The following AGBL4 variants were observed in gnomAD, a reference collection of about 807,000 sequenced individuals.
AGBL4 encodes cytosolic carboxypeptidase 6.
Under a neutral mutation model 66.4 loss-of-function variants are expected in AGBL4, and 58 were observed. The observed-to-expected ratio is 0.87, with a 90% CI of 0.71 to 1.09. AGBL4 has a LOEUF of 1.09. AGBL4 is among the 50% of genes least tolerant of loss of function. AGBL4 has a pLI of 0.00. For synonymous variants in AGBL4, 234 were observed against 222.9 expected, an observed-to-expected ratio of 1.05 and a Z score of -0.44; for missense variants, 579 against 631.0, an observed-to-expected ratio of 0.92 and a Z score of 0.88.
intron 1 of AGBL4, among the ~76,000 whole-genome samples, chr1:49,950,068 A>ATATATACATATG (rs1308289543): frequency 1.4e-5 from 2 of 142,130 alleles, no homozygotes; most frequent in Non-Finnish European, 3.1e-5. Context: ...ATACACACAT[A>ATATATACATATG]TATATACACA....
At chr1:49,071,030 T>C (rs1644593288) in intron 4 of AGBL4, among the ~76,000 whole-genome samples, 1 of 152,006 alleles carries the variant, frequency 6.6e-6, no homozygotes. Context: ...AAGAGAGGCA[T>C]AGAGGTGTTT....
At chr1:49,948,438 T>TATATATAAATATATAAATATATATAA (rs1478388594) in intron 1 of AGBL4, among the ~76,000 whole-genome samples, 18 of 103,598 alleles carry the variant, frequency 1.7e-4, no homozygotes, top group African/African-American at 5.5e-4. Flanking sequence ...AATATATAAA[T>TATATATAAATATATAAATATATATAA]ATATATAAAT....
intron 8 of AGBL4, among the ~76,000 whole-genome samples, chr1:48,651,619 T>C (rs543021378): frequency 6.6e-6 from 1 of 152,320 alleles, no homozygotes; most frequent in African/African-American, 2.4e-5. Context: ...TAATGAACCA[T>C]CACTTCAGCC....
Position 48,596,148 on chromosome 1 carries a change from A to C in AGBL4, c.952-5163T>G, listed in dbSNP as rs187700187. Among the ~76,000 whole-genome samples, 385 of 152,252 alleles carry C rather than the reference A, an allele frequency of 2.5e-3. 4 individuals carry two copies. The highest frequency in any genetic ancestry group is 8.9e-3 in the African/African-American group (368 of 41,546). On this transcript the variant is annotated intron_variant, in intron 9 of 13. Coordinates refer to ENST00000371839, the MANE Select transcript of AGBL4 (RefSeq NM_032785.4). ...CCAGGCCTCTGGCTATAAACTCTCC[A>C]TGTCCTGTACCCTGCTGTCCTCACA...
intron 6 of AGBL4, among the ~76,000 whole-genome samples, chr1:48,728,985 A>G (rs897689015): frequency 6.6e-6 from 1 of 152,226 alleles, no homozygotes; most frequent in Non-Finnish European, 1.5e-5. Flanking sequence ...TAAAGCAAAA[A>G]GCCAGCTCCA....
intron 4 of AGBL4, among the ~76,000 whole-genome samples, chr1:49,108,406 G>C (rs966761369): frequency 6.6e-6 from 1 of 152,038 alleles, no homozygotes; most frequent in Non-Finnish European, 1.5e-5. Context: ...AAATAAAGTA[G>C]AAAAAAGAAA....
intron 3 of AGBL4, among the ~76,000 whole-genome samples, chr1:49,452,696 T>G (rs1646304380): frequency 6.6e-6 from 1 of 152,086 alleles, no homozygotes; most frequent in Non-Finnish European, 1.5e-5. Flanking sequence ...GACTCTTATT[T>G]TAGCACTTCT....
chr1:49,795,954 G>A (rs926973185), intron 2 of AGBL4, among the ~76,000 whole-genome samples: 1 of 151,804 alleles, frequency 6.6e-6, no homozygotes, highest in African/African-American at 2.4e-5. Context: ...TACATAAAAT[G>A]TAAATTATCT....
chr1:48,545,387 C>T (rs1417967597), intron 11 of AGBL4, among the ~76,000 whole-genome samples: 1 of 152,266 alleles, frequency 6.6e-6, no homozygotes, highest in Non-Finnish European at 1.5e-5. Flanking sequence ...AGATTATTTA[C>T]TGCAGTGGCC....
At chr1:49,576,270 G>A (rs1644434599) in intron 3 of AGBL4, among the ~76,000 whole-genome samples, 2 of 152,186 alleles carry the variant, frequency 1.3e-5, no homozygotes, top group Non-Finnish European at 2.9e-5. Context: ...TTTAAGTGGG[G>A]TCCAGAACAG....
At chr1:49,458,561 T>C (rs371139318) in intron 3 of AGBL4, among the ~76,000 whole-genome samples, 1 of 151,772 alleles carries the variant, frequency 6.6e-6, no homozygotes, top group Non-Finnish European at 1.5e-5. Context: ...TCTTGTGTGA[T>C]TGCTCTGACT....
chr1:49,147,899 T>C (rs1250002729), intron 4 of AGBL4, among the ~76,000 whole-genome samples: 2 of 152,098 alleles, frequency 1.3e-5, no homozygotes, highest in East Asian at 1.9e-4. Context: ...GTCATGCAAG[T>C]TGCTTCCAGT....
chr1:49,384,474 G>T (rs1231501488), intron 3 of AGBL4, among the ~76,000 whole-genome samples: 6 of 151,576 alleles, frequency 4.0e-5, no homozygotes, highest in Non-Finnish European at 8.8e-5. Context: ...GCACCTGTAG[G>T]CCCAGCTACT....
At position 49,045,635 on chromosome 1, in the gene AGBL4, C is replaced by T. The variant is rs767453555; in HGVS notation, c.543G>A (p.Leu181=). 5.9e-5 allele frequency: 94 copies of T among 1,600,204 alleles called. No homozygotes were observed. The highest frequency in any genetic ancestry group is 1.3e-5 in the African/African-American group (1 of 74,714). The change falls in exon 5 of 14, where the codon CTG becomes CTA. Residue 181 remains leucine, a synonymous_variant. Transcript: ENST00000371839. ...AGAAGTAATCCATGTTTCTCTTTTGCAGGCTGTCAAGGTAATGTTGGAAGC... is the reference window on the plus strand; with the variant it reads ...AGAAGTAATCCATGTTTCTCTTTTGTAGGCTGTCAAGGTAATGTTGGAAGC... ...YTRFQHYLDS[L]QKRNMDYFFR...
At chr1:49,005,936 G>A (rs1341077280) in intron 5 of AGBL4, among the ~76,000 whole-genome samples, 7 of 152,096 alleles carry the variant, frequency 4.6e-5, no homozygotes, top group Non-Finnish European at 8.8e-5. Context: ...GAGAGGCAGA[G>A]GTTGCAGTGA....
chr1:49,694,173 G>C (rs144669967), intron 3 of AGBL4, among the ~76,000 whole-genome samples: 4 of 152,080 alleles, frequency 2.6e-5, no homozygotes, highest in African/African-American at 9.6e-5. Flanking sequence ...GTAGTACCAA[G>C]ACCTAAATAA....
intron 5 of AGBL4, among the ~76,000 whole-genome samples, chr1:48,891,537 C>T (rs538368592): frequency 4.6e-5 from 7 of 152,292 alleles, no homozygotes; most frequent in Admixed American, 1.3e-4. Flanking sequence ...CAGTTTAAAA[C>T]GCTTGTTGCT....
At chr1:49,192,354 A>T (rs890808274) in intron 4 of AGBL4, among the ~76,000 whole-genome samples, 5 of 152,158 alleles carry the variant, frequency 3.3e-5, no homozygotes, top group African/African-American at 9.7e-5. Context: ...GCTGGAGTGC[A>T]ATGGCACCAT....
intron 2 of AGBL4, among the ~76,000 whole-genome samples, chr1:49,831,151 A>T (rs1645662993): frequency 6.6e-6 from 1 of 152,158 alleles, no homozygotes; most frequent in African/African-American, 2.4e-5. Context: ...GAAGAAAGTC[A>T]ATGGTAGTTT....
Sources: gnomAD v4.1 joint callset for allele counts (sites outside exome capture counted in the v4.1 genomes callset) on GRCh38, gnomAD v4.1.1 for gene constraint, MANE v1.5 for transcripts, NCBI Gene and HGNC (gene_info 2026-07-23, HGNC 2026-07-21) for gene names.